Variants in GALNT13 observed in about 807,000 individuals in gnomAD.
The protein encoded by GALNT13 is UDP-GalNAc:polypeptide N-acetylgalactosaminyltransferase 13.
In GALNT13, 28 loss-of-function variants were observed where a neutral mutation model predicts 64.2. The observed-to-expected ratio is 0.44, with a 90% CI of 0.32 to 0.60. The LOEUF (loss-of-function observed/expected upper bound fraction) is 0.60. Ranked by LOEUF, GALNT13 falls within the 20% of genes least tolerant of loss-of-function variation. The pLI is 0.05. For synonymous variants in GALNT13, 214 were observed against 224.6 expected (o/e 0.95, Z 0.42); for missense variants, 577 against 669.8 (o/e 0.86, Z 1.53).
chr2:153,336,141 G>A, the GALNT13 span, among the ~76,000 whole-genome samples: 14 of 152,196 alleles, frequency 9.2e-5, no homozygotes, highest in African/African-American at 2.2e-4. Context: ...CTGCAGGGGC[G>A]GGATGCTCCT....
At chr2:153,146,071 G>T in the GALNT13 span, among the ~76,000 whole-genome samples, 12 of 151,872 alleles carry the variant, frequency 7.9e-5, no homozygotes, top group Admixed American at 6.6e-4. Context: ...GCCAATATTA[G>T]ATCTTCCTTC....
chr2:154,155,037 A>G (rs2105641892), intron 4 of GALNT13, among the ~76,000 whole-genome samples: 1 of 152,062 alleles, frequency 6.6e-6, no homozygotes, highest in South Asian at 2.1e-4. Flanking sequence ...TTAATTTTGC[A>G]CATAAGAACA....
the GALNT13 span, among the ~76,000 whole-genome samples, chr2:153,684,398 T>C: frequency 0.26 from 39,160 of 151,622 alleles, 5,872 homozygotes; most frequent in Middle Eastern, 0.49. Flanking sequence ...ATTCCAGCTA[T>C]ATGCTACAAT....
At chr2:153,335,122 G>A in the GALNT13 span, among the ~76,000 whole-genome samples, 1 of 152,120 alleles carries the variant, frequency 6.6e-6, no homozygotes, top group Non-Finnish European at 1.5e-5. Flanking sequence ...CCATGATTCT[G>A]AGGCTTCCCC....
At chr2:154,401,714 A>G (rs192239839) in intron 10 of GALNT13, among the ~76,000 whole-genome samples, 1,555 of 152,272 alleles carry the variant, frequency 0.01, 18 homozygotes, top group Non-Finnish European at 0.013. Flanking sequence ...CATTTATTCA[A>G]TTCTCTCAGG....
chr2:154,025,161 G>T (rs1364705839), intron 3 of GALNT13, among the ~76,000 whole-genome samples: 1 of 152,124 alleles, frequency 6.6e-6, no homozygotes, highest in Non-Finnish European at 1.5e-5. Flanking sequence ...TGAGGAGGCA[G>T]TCTGCCCATT....
the GALNT13 span, among the ~76,000 whole-genome samples, chr2:153,562,058 C>CTT: frequency 6.9e-4 from 60 of 87,212 alleles, no homozygotes; most frequent in Non-Finnish European, 8.4e-4. Flanking sequence ...CTCTCTCTCT[C>CTT]TCTGTGTGTG....
At chr2:153,206,899 A>C in the GALNT13 span, among the ~76,000 whole-genome samples, 9 of 152,084 alleles carry the variant, frequency 5.9e-5, no homozygotes, top group African/African-American at 2.2e-4. Context: ...GCCTAGATTT[A>C]AAAATTACAA....
intron 2 of GALNT13, among the ~76,000 whole-genome samples, chr2:153,905,928 G>A (rs1030009564): frequency 2.0e-5 from 3 of 151,900 alleles, no homozygotes; most frequent in Non-Finnish European, 4.4e-5. Flanking sequence ...GCTATTGGGT[G>A]GGTTGTGAAT....
chr2:153,716,392 T>C, the GALNT13 span, among the ~76,000 whole-genome samples: 1 of 152,148 alleles, frequency 6.6e-6, no homozygotes, highest in African/African-American at 2.4e-5. Flanking sequence ...TCATCGGTGA[T>C]AGTGTATTTT....
the GALNT13 span, among the ~76,000 whole-genome samples, chr2:153,315,110 GTTA>G: frequency 1.3e-5 from 2 of 152,118 alleles, no homozygotes; most frequent in Non-Finnish European, 2.9e-5. Context: ...CAAGAAAAGG[GTTA>G]TTATAAGAGA....
chr2:154,016,125 C>G (rs1302975826), intron 3 of GALNT13, among the ~76,000 whole-genome samples: 1 of 152,020 alleles, frequency 6.6e-6, no homozygotes, highest in African/African-American at 2.4e-5. Flanking sequence ...AAACATGACC[C>G]CTTGATTGAT....
At chr2:154,430,052 T>C (rs895279368) in intron 11 of GALNT13, among the ~76,000 whole-genome samples, 1 of 152,224 alleles carries the variant, frequency 6.6e-6, no homozygotes, top group South Asian at 2.1e-4. Flanking sequence ...CCAAGAGCTC[T>C]GTTGGAGATG....
the GALNT13 span, among the ~76,000 whole-genome samples, chr2:153,128,724 G>T: frequency 3.9e-5 from 6 of 152,118 alleles, no homozygotes; most frequent in Non-Finnish European, 8.8e-5. Context: ...ACCCAAGTCT[G>T]GGCAATTTAC....
At chr2:154,445,929 T>A (rs1174053597) in intron 12 of GALNT13, 2 of 600,658 alleles carry the variant, frequency 3.3e-6, no homozygotes, top group Non-Finnish European at 5.4e-6. Context: ...ACAGATAAAT[T>A]AATTAATTAA....
the GALNT13 span, among the ~76,000 whole-genome samples, chr2:153,585,208 C>A: frequency 8.0e-3 from 1,212 of 152,158 alleles, 9 homozygotes; most frequent in South Asian, 0.016. Context: ...AAGAAATTTA[C>A]TAAGGAGATA....
chr2:153,164,026 A>C, the GALNT13 span, among the ~76,000 whole-genome samples: 2 of 152,138 alleles, frequency 1.3e-5, no homozygotes, highest in Non-Finnish European at 2.9e-5. Flanking sequence ...TCAAAAAAAA[A>C]AAAAAAAAAT....
the GALNT13 span, among the ~76,000 whole-genome samples, chr2:153,695,430 C>G: frequency 6.6e-6 from 1 of 152,180 alleles, no homozygotes. Flanking sequence ...TAGATTACCT[C>G]TCTTCTGCAC....
chr2:153,563,233 G>C, the GALNT13 span, among the ~76,000 whole-genome samples: 1 of 151,756 alleles, frequency 6.6e-6, no homozygotes, highest in Non-Finnish European at 1.5e-5. Flanking sequence ...TCTGTCCTTA[G>C]TTCTGAAAGT....
Sources: gnomAD v4.1 joint callset for allele counts (sites outside exome capture counted in the v4.1 genomes callset) on GRCh38, gnomAD v4.1.1 for gene constraint, MANE v1.5 for transcripts, NCBI Gene and HGNC (gene_info 2026-07-23, HGNC 2026-07-21) for gene names.